The following NFIB variants were observed in gnomAD, a reference collection of about 807,000 sequenced individuals.
NFIB encodes nuclear factor 1 B-type.
NFIB carries 11 observed loss-of-function variants against 61.5 expected under a neutral mutation model. That is an observed-to-expected ratio of 0.18 (90% CI 0.11 to 0.30). The LOEUF (loss-of-function observed/expected upper bound fraction) is 0.30. Ranked by LOEUF, NFIB falls within the 10% of genes least tolerant of loss-of-function variation. NFIB has a pLI of 1.00. For missense variants in NFIB, 471 were observed against 608.9 expected (o/e 0.77, Z 2.38); for synonymous variants, 260 against 216.5 (o/e 1.20, Z -1.76).
intron 1 of NFIB, among the ~76,000 whole-genome samples, chr9:14,338,987 A>C (rs2060917931): frequency 6.6e-6 from 1 of 152,142 alleles, no homozygotes; most frequent in Non-Finnish European, 1.5e-5. Context: ...GGGACAGGAA[A>C]AATCAAAGAT....
At chr9:14,090,006 A>T (rs543643182) in intron 10 of NFIB, among the ~76,000 whole-genome samples, 6 of 152,244 alleles carry the variant, frequency 3.9e-5, no homozygotes, top group African/African-American at 1.4e-4. Context: ...CTAGTAAAGT[A>T]CCTAGCACAT....
At chr9:14,341,980 A>G (rs937303870) in intron 1 of NFIB, among the ~76,000 whole-genome samples, 5 of 151,958 alleles carry the variant, frequency 3.3e-5, no homozygotes, top group Non-Finnish European at 7.3e-5. Flanking sequence ...CAAGGTCAAA[A>G]TACCAAGAAA....
At chr9:14,230,394 T>C (rs960292574) in intron 2 of NFIB, among the ~76,000 whole-genome samples, 1 of 152,186 alleles carries the variant, frequency 6.6e-6, no homozygotes. Flanking sequence ...AATAAAATGC[T>C]ATGAAGAAAC....
intron 3 of NFIB, among the ~76,000 whole-genome samples, chr9:14,174,484 G>A (rs2131384510): frequency 6.6e-6 from 1 of 152,200 alleles, no homozygotes; most frequent in South Asian, 2.1e-4. Context: ...AGAAGTGAAT[G>A]AGGCCGGGTG....
chr9:14,474,392 A>AC, the NFIB span, among the ~76,000 whole-genome samples: 3 of 151,778 alleles, frequency 2.0e-5, no homozygotes, highest in African/African-American at 7.3e-5. Context: ...AAACCTAATC[A>AC]CCCCCCAATG....
chr9:14,182,802 T>C lies in NFIB; in HGVS notation c.563-3022A>G, dbSNP rs2046953847. 2.1e-5 allele frequency among the ~76,000 whole-genome samples: 3 copies of C among 145,898 alleles called. No individual in the cohort carries two copies. In the South Asian group the frequency reaches 7.0e-4, roughly 34 times the overall value. ...GAAGCCTGGCTCTGTCCCTCACTAG[T>C]GACATGATCTTGTACAAAATTACTT... On this transcript the variant is annotated intron_variant, in intron 2 of 10. Coordinates refer to ENST00000380953, the MANE Select transcript of NFIB (RefSeq NM_001190737.2).
At chr9:14,393,058 T>G (rs2061643507) in intron 1 of NFIB, among the ~76,000 whole-genome samples, 1 of 152,240 alleles carries the variant, frequency 6.6e-6, no homozygotes, top group Non-Finnish European at 1.5e-5. Flanking sequence ...TTTTCCAGCA[T>G]TATTCTGTAT....
Position 14,307,086 on chromosome 9 carries a change from T to G in NFIB, c.465A>C (p.Pro155=). The change falls in exon 2 of 11, where the codon CCA becomes CCC. Residue 155 remains proline, a synonymous_variant. Transcript: ENST00000380953. This position sits in a 1 kb window ranked among gnomAD's most constrained non-coding sequence, Gnocchi z 5.3. ...CACAAAGTGCTGGGTTTGTGCAATG[T>G]GGGGATTTCATGAGCCGCTCTCCAT... is the stretch of plus-strand genomic sequence containing the variant. The part of the protein sequence containing the change: ...STDGERLMKS[P]HCTNPALCVQ... The G allele has an allele frequency of 6.2e-7, 1 of 1,614,114 alleles. No homozygotes were observed. Among genetic ancestry groups the G allele is most frequent in the Non-Finnish European group, 8.5e-7 (1 of 1,180,028 alleles).
intron 6 of NFIB, among the ~76,000 whole-genome samples, chr9:14,141,138 A>G (rs766602554): frequency 3.3e-5 from 5 of 152,220 alleles, no homozygotes; most frequent in Middle Eastern, 3.2e-3. Flanking sequence ...GAAATTTAGC[A>G]CAACAGTTAA....
At chr9:14,145,812 G>A (rs1387698047) in intron 6 of NFIB, among the ~76,000 whole-genome samples, 1 of 151,564 alleles carries the variant, frequency 6.6e-6, no homozygotes, top group African/African-American at 2.4e-5. Flanking sequence ...CACTATGCTT[G>A]GCTTACGTTT....
chr9:14,443,471 C>G, the NFIB span, among the ~76,000 whole-genome samples: 1 of 152,162 alleles, frequency 6.6e-6, no homozygotes, highest in Non-Finnish European at 1.5e-5. Context: ...TCCACATCAC[C>G]TATCTCAGGT....
chr9:14,385,580 G>C (rs921837786), intron 1 of NFIB, among the ~76,000 whole-genome samples: 2 of 152,020 alleles, frequency 1.3e-5, no homozygotes, highest in African/African-American at 2.4e-5. Flanking sequence ...TTCTTACTTA[G>C]AAGGAAGGAA....
rs113148766 is a variant in NFIB at position 14,234,805 on chromosome 9, GT to G, written c.563-55026del. Among the ~76,000 whole-genome samples the G allele has an allele frequency of 1.4e-4, 20 of 143,004 alleles. 1 individual carries two copies. The East Asian group carries it at 2.6e-3, about 19-fold the overall frequency. 93.8% of individuals were successfully genotyped at this position (143,004 alleles called of 152,430 possible). ...TTTGTTCGTTGAAATTTTTTTTTTG[GT>G]TTTTTTTTTGGGTATGTTTTAACTA... On this transcript the variant is annotated intron_variant, in intron 2 of 10. Transcript: ENST00000380953.
the NFIB span, among the ~76,000 whole-genome samples, chr9:14,467,623 T>C: frequency 1.3e-5 from 2 of 152,258 alleles, no homozygotes; most frequent in African/African-American, 4.8e-5. Context: ...TCATTCAATA[T>C]GTATTTATTC....
chr9:14,241,156 A>C (rs2054304518), intron 2 of NFIB, among the ~76,000 whole-genome samples: 1 of 152,186 alleles, frequency 6.6e-6, no homozygotes, highest in African/African-American at 2.4e-5. Context: ...CCTGCCATTT[A>C]ACCATTTCTG....
At chr9:14,522,291 T>C in the NFIB span, among the ~76,000 whole-genome samples, 1 of 151,732 alleles carries the variant, frequency 6.6e-6, no homozygotes, top group African/African-American at 2.4e-5. Flanking sequence ...TTCCAGCGTT[T>C]ATGTGTGTAA....
chr9:14,197,027 C>T (rs2048545382), intron 2 of NFIB, among the ~76,000 whole-genome samples: 1 of 152,210 alleles, frequency 6.6e-6, no homozygotes, highest in Non-Finnish European at 1.5e-5. Context: ...CAATAAGGCT[C>T]TTTCTTACCT....
intron 2 of NFIB, among the ~76,000 whole-genome samples, chr9:14,203,446 G>A (rs1006918004): frequency 1.3e-5 from 2 of 152,200 alleles, no homozygotes; most frequent in Non-Finnish European, 2.9e-5. Context: ...CAGCTGTATT[G>A]TAAAAACATT....
chr9:14,470,840 A>G, the NFIB span, among the ~76,000 whole-genome samples: 1 of 152,176 alleles, frequency 6.6e-6, no homozygotes, highest in Non-Finnish European at 1.5e-5. Flanking sequence ...ACCTCAGTGT[A>G]ACCCATTTCA....
Sources: gnomAD v4.1 joint callset for allele counts (sites outside exome capture counted in the v4.1 genomes callset) on GRCh38, gnomAD v4.1.1 for gene constraint, Gnocchi (gnomAD v3.1) non-coding constraint, MANE v1.5 for transcripts, NCBI Gene and HGNC (gene_info 2026-07-23, HGNC 2026-07-21) for gene names.